Variants in ARHGAP15 observed in about 807,000 individuals in gnomAD.
The protein encoded by ARHGAP15 is rho GTPase-activating protein 15.
A neutral mutation model predicts 63.7 loss-of-function variants in ARHGAP15; 51 were observed. The ratio of observed to expected loss-of-function variants is 0.80; its 90% CI spans 0.64 to 1.01. ARHGAP15 has a LOEUF of 1.01. Among genes scored for constraint, ARHGAP15 ranks in the 50% least tolerant of loss-of-function variants. The probability of loss-of-function intolerance (pLI) is 0.00; values close to 1 mark genes in which losing one functional copy is unlikely to be tolerated. For missense variants in ARHGAP15, 560 were observed against 564.6 expected (o/e 0.99, Z 0.08); for synonymous variants, 191 against 193.8 (o/e 0.99, Z 0.12).
chr2:143,483,625 T>C (rs958612541), intron 8 of ARHGAP15, among the ~76,000 whole-genome samples: 2 of 152,222 alleles, frequency 1.3e-5, no homozygotes, highest in Non-Finnish European at 2.9e-5. Flanking sequence ...TATGGGACTT[T>C]GACTACAGCT....
At chr2:143,462,800 TGGACAGAC>T (rs1473007187) in intron 8 of ARHGAP15, among the ~76,000 whole-genome samples, 2 of 151,696 alleles carry the variant, frequency 1.3e-5, no homozygotes, top group African/African-American at 2.4e-5. Flanking sequence ...GATGGATGGA[TGGACAGAC>T]GGACAGACAG....
intron 6 of ARHGAP15, among the ~76,000 whole-genome samples, chr2:143,406,041 T>A (rs1688185889): frequency 6.6e-6 from 1 of 151,946 alleles, no homozygotes; most frequent in Admixed American, 6.6e-5. Flanking sequence ...ATCTGTCAGA[T>A]CTTTGAATAT....
At chr2:143,730,541 GAACT>G (rs1338829731) in intron 13 of ARHGAP15, among the ~76,000 whole-genome samples, 1 of 152,072 alleles carries the variant, frequency 6.6e-6, no homozygotes, top group Non-Finnish European at 1.5e-5. Context: ...GAAAATGAGT[GAACT>G]AAGCCACTTA....
chr2:143,398,681 T>G (rs895269014), intron 6 of ARHGAP15, among the ~76,000 whole-genome samples: 3 of 152,124 alleles, frequency 2.0e-5, no homozygotes, highest in African/African-American at 2.4e-5. Flanking sequence ...TTGCAATGTT[T>G]AATGAGAAGC....
intron 6 of ARHGAP15, among the ~76,000 whole-genome samples, chr2:143,266,572 T>G (rs912550472): frequency 6.6e-6 from 1 of 152,312 alleles, no homozygotes; most frequent in Middle Eastern, 3.4e-3. Flanking sequence ...TTTGTTCACT[T>G]AGCATATTTA....
intron 11 of ARHGAP15, among the ~76,000 whole-genome samples, chr2:143,620,648 T>G (rs1353961199): frequency 6.6e-6 from 1 of 152,214 alleles, no homozygotes; most frequent in Non-Finnish European, 1.5e-5. Context: ...TTATCCTGGT[T>G]TCATCACTTG....
At chr2:143,213,601 T>C (rs1247582581) in intron 3 of ARHGAP15, among the ~76,000 whole-genome samples, 4 of 152,212 alleles carry the variant, frequency 2.6e-5, no homozygotes, top group Non-Finnish European at 4.4e-5. Flanking sequence ...GACATAGATA[T>C]ACTACGTGTA....
At chr2:143,243,495 C>T (rs968729073) in intron 5 of ARHGAP15, among the ~76,000 whole-genome samples, 1 of 151,998 alleles carries the variant, frequency 6.6e-6, no homozygotes, top group Admixed American at 6.6e-5. Context: ...ATGGTGTGTA[C>T]ATTCTTAGAT....
intron 10 of ARHGAP15, among the ~76,000 whole-genome samples, chr2:143,526,991 G>T (rs1376219766): frequency 6.6e-6 from 1 of 151,882 alleles, no homozygotes; most frequent in African/African-American, 2.4e-5. Flanking sequence ...ATTTCCCTAG[G>T]GTTTAAAAAT....
Position 143,437,039 on chromosome 2 carries a change from TTAAG to T in ARHGAP15, c.702_703+2del, listed in dbSNP as rs756124695. The T allele has an allele frequency of 5.3e-5, 85 of 1,594,800 alleles. No individual in the cohort carries two copies. The highest frequency in any genetic ancestry group is 6.9e-5 in the Non-Finnish European group (81 of 1,175,038). Reference sequence around the variant, plus strand: ...ACAGAAACCAGAGCACAGAAAATCTTTAAGTGAGTATTTTCTTTGACTTGCTCAT... The same window carrying T: ...ACAGAAACCAGAGCACAGAAAATCTTTGAGTATTTTCTTTGACTTGCTCAT... On this transcript the variant is annotated splice_donor_variant and coding_sequence_variant, in exon 8 of 14. Transcript: ENST00000295095. LOFTEE classifies it high-confidence loss of function.
chr2:143,413,970 C>CGT (rs940511805), intron 6 of ARHGAP15, among the ~76,000 whole-genome samples: 3 of 55,056 alleles, frequency 5.4e-5, no homozygotes, highest in African/African-American at 1.2e-4. Flanking sequence ...TGTGTGTGCG[C>CGT]GCTCTCTGGC....
At chr2:143,560,628 T>C (rs1228080412) in intron 11 of ARHGAP15, among the ~76,000 whole-genome samples, 2 of 152,218 alleles carry the variant, frequency 1.3e-5, no homozygotes, top group African/African-American at 2.4e-5. Context: ...ATGACTTTCC[T>C]TTACACCCCG....
intron 6 of ARHGAP15, among the ~76,000 whole-genome samples, chr2:143,294,469 A>G (rs1682547186): frequency 1.3e-5 from 2 of 152,050 alleles, no homozygotes; most frequent in Non-Finnish European, 2.9e-5. Flanking sequence ...GACATTGTTG[A>G]TTGGCAGGCT....
intron 12 of ARHGAP15, among the ~76,000 whole-genome samples, chr2:143,633,867 C>T (rs1680170795): frequency 6.6e-6 from 1 of 152,046 alleles, no homozygotes; most frequent in Non-Finnish European, 1.5e-5. Flanking sequence ...TGCTTGACAC[C>T]ACATTGTGAT....
chr2:143,653,478 G>T (rs1432911288), intron 12 of ARHGAP15, among the ~76,000 whole-genome samples: 1 of 151,910 alleles, frequency 6.6e-6, no homozygotes, highest in Admixed American at 6.6e-5. Context: ...TAATTTCAAG[G>T]AATTTCTCCA....
At chr2:143,524,476 A>G (rs1460994727) in intron 10 of ARHGAP15, among the ~76,000 whole-genome samples, 1 of 152,178 alleles carries the variant, frequency 6.6e-6, no homozygotes. Context: ...ACTGTGAATT[A>G]TATGTTTGTG....
At chr2:143,177,042 GAGTCACTTTCTTGGC>G (rs1262310601) in intron 2 of ARHGAP15, among the ~76,000 whole-genome samples, 1 of 152,160 alleles carries the variant, frequency 6.6e-6, no homozygotes, top group Non-Finnish European at 1.5e-5. Flanking sequence ...AAGTCTTAAG[GAGTCACTTTCTTGGC>G]AGTTACAGCC....
intron 10 of ARHGAP15, among the ~76,000 whole-genome samples, chr2:143,541,596 G>C (rs886928780): frequency 6.6e-6 from 1 of 151,846 alleles, no homozygotes; most frequent in East Asian, 1.9e-4. Context: ...CCTTCTAACA[G>C]TCAGGACCCT....
At chr2:143,312,365 A>G (rs1683487997) in intron 6 of ARHGAP15, among the ~76,000 whole-genome samples, 1 of 152,158 alleles carries the variant, frequency 6.6e-6, no homozygotes, top group Admixed American at 6.6e-5. Flanking sequence ...ACATTCTTGA[A>G]TAACATTTTC....
Sources: allele counts gnomAD v4.1 joint callset (sites outside exome capture counted in the v4.1 genomes callset), GRCh38; gene constraint gnomAD v4.1.1; transcripts MANE v1.5; gene names NCBI Gene and HGNC (gene_info 2026-07-23, HGNC 2026-07-21).